ASXL2: variants seen among roughly 807,000 people sequenced by gnomAD.
ASXL2 encodes putative Polycomb group protein ASXL2.
A neutral mutation model predicts 122.0 loss-of-function variants in ASXL2; 23 were observed. The ratio of observed to expected loss-of-function variants is 0.19; its 90% CI spans 0.14 to 0.27. The LOEUF (loss-of-function observed/expected upper bound fraction) is 0.27, where lower values mean the gene tolerates loss of function less well. ASXL2 is among the 10% of genes least tolerant of loss of function. The pLI, the probability that ASXL2 is intolerant of heterozygous loss-of-function variation, is 1.00. For synonymous variants in ASXL2, 650 were observed against 637.0 expected (o/e 1.02, Z -0.31); for missense variants, 1,518 against 1,713.8 (o/e 0.89, Z 2.02).
intron 3 of ASXL2, among the ~76,000 whole-genome samples, chr2:25,824,336 A>G (rs2089349515): frequency 6.6e-6 from 1 of 152,208 alleles, no homozygotes; most frequent in South Asian, 2.1e-4. Flanking sequence ...TCATATAGCA[A>G]CACGGTAGTA....
intron 1 of ASXL2, among the ~76,000 whole-genome samples, chr2:25,868,521 T>C (rs2089928474): frequency 6.6e-6 from 1 of 152,264 alleles, no homozygotes; most frequent in Non-Finnish European, 1.5e-5. Context: ...CATTTACCGT[T>C]AACCAATTTT....
chr2:25,866,103 A>G (rs188724466), intron 1 of ASXL2, among the ~76,000 whole-genome samples: 79 of 151,762 alleles, frequency 5.2e-4, no homozygotes, highest in African/African-American at 1.7e-3. Flanking sequence ...TAAGATTGTC[A>G]TTAAAGCTTA....
At chr2:25,814,089 G>A (rs926367396) in intron 3 of ASXL2, among the ~76,000 whole-genome samples, 8 of 152,028 alleles carry the variant, frequency 5.3e-5, no homozygotes, top group Non-Finnish European at 1.2e-4. Flanking sequence ...ACTACAAACT[G>A]CCATAATATT....
At chr2:25,819,015 T>A (rs534312166) in intron 3 of ASXL2, among the ~76,000 whole-genome samples, 89 of 152,322 alleles carry the variant, frequency 5.8e-4, no homozygotes, top group African/African-American at 2.1e-3. Flanking sequence ...CATGTGGCCA[T>A]GTTGGGGAAG....
Position 25,744,294 on chromosome 2 carries a change from AGCAGCTGCGGCGGCAGCG to A in ASXL2, c.2025_2042del (p.Ala679_Ala684del), listed in dbSNP as rs1418950108. ...TGGTCCCTCCAACTGAGGCGGCTGC[AGCAGCTGCGGCGGCAGCG>A]GCAGCTGCTGCCCTCTGTGCTTTGA... On this transcript the variant is annotated inframe_deletion, in exon 13 of 13. Transcript: ENST00000435504. This position sits in a 1 kb window ranked among gnomAD's most constrained non-coding sequence, Gnocchi z 4.7. 3.1e-6 allele frequency: 5 copies of A among 1,611,226 alleles called. No individual in the cohort carries two copies. The highest frequency in any genetic ancestry group is 1.3e-5 in the African/African-American group (1 of 74,548).
intron 2 of ASXL2, among the ~76,000 whole-genome samples, chr2:25,841,048 A>C (rs1250343014): frequency 6.6e-6 from 1 of 152,218 alleles, no homozygotes; most frequent in Non-Finnish European, 1.5e-5. Context: ...CTGTTATCCC[A>C]GCACTTTGGG....
intron 2 of ASXL2, among the ~76,000 whole-genome samples, chr2:25,839,490 GACT>G (rs1287628804): frequency 2.0e-5 from 3 of 152,072 alleles, no homozygotes; most frequent in African/African-American, 4.8e-5. Flanking sequence ...TATTGACTCT[GACT>G]ACTAAGTGTA....
At chr2:25,803,297 T>C (rs2089027427) in intron 4 of ASXL2, among the ~76,000 whole-genome samples, 1 of 152,244 alleles carries the variant, frequency 6.6e-6, no homozygotes, top group Non-Finnish European at 1.5e-5. Flanking sequence ...GTATCTTTTG[T>C]AATATCCTTT....
At chr2:25,863,248 T>C (rs747957316) in intron 1 of ASXL2, among the ~76,000 whole-genome samples, 64 of 151,168 alleles carry the variant, frequency 4.2e-4, no homozygotes, top group Non-Finnish European at 6.8e-4. Flanking sequence ...GAGAATCGCT[T>C]GAACCCAGGA....
rs368571273 is a variant in ASXL2, at chr2:25,744,468, G to C, written c.1869C>G (p.Val623=). 1 of 1,591,654 alleles carries C rather than the reference G, an allele frequency of 6.3e-7. No homozygotes were observed. Among genetic ancestry groups the C allele is most frequent in the African/African-American group, 1.4e-5 (1 of 73,568 alleles). ...GAAACGGCATGGGGGAGATTCTGGA[G>C]ACCGGGATCTGAAAGAAGTAGAGGG... ...VRKVPPLKIP[V]SRISPMPFHP... The change falls in exon 13 of 13, where the codon GTC becomes GTG. Residue 623 remains valine, a synonymous_variant. Coordinates refer to ENST00000435504, the MANE Select transcript of ASXL2 (RefSeq NM_018263.6). The surrounding 1 kb of genome is among the most constrained non-coding windows in gnomAD (Gnocchi z 4.7).
chr2:25,756,434 T>A (rs1350631778), intron 9 of ASXL2, among the ~76,000 whole-genome samples: 4 of 62,360 alleles, frequency 6.4e-5, no homozygotes, highest in Non-Finnish European at 1.3e-4. Context: ...TAAAGCTGAA[T>A]CCCAGATTCA....
At chr2:25,780,958 C>A (rs2088624322) in intron 5 of ASXL2, among the ~76,000 whole-genome samples, 1 of 151,518 alleles carries the variant, frequency 6.6e-6, no homozygotes, top group Admixed American at 6.6e-5. Context: ...GTGGCGGACG[C>A]CTGTAGTCCC....
At chr2:25,768,932 ACTT>A (rs1255434792) in intron 6 of ASXL2, 64 bp from the exon 7 acceptor site, 9 of 1,529,512 alleles carry the variant, frequency 5.9e-6, no homozygotes, top group Non-Finnish European at 6.2e-6. Context: ...AATATAAATT[ACTT>A]CTTTTTTAAA....
intron 1 of ASXL2, among the ~76,000 whole-genome samples, chr2:25,870,572 T>G (rs1050793802): frequency 6.6e-6 from 1 of 152,062 alleles, no homozygotes; most frequent in Non-Finnish European, 1.5e-5. Flanking sequence ...CTCAGGAAGC[T>G]GAGGCAGGAG....
intron 5 of ASXL2, among the ~76,000 whole-genome samples, chr2:25,784,772 G>T (rs560363580): frequency 6.6e-6 from 1 of 152,256 alleles, no homozygotes; most frequent in East Asian, 1.9e-4. Flanking sequence ...AGTCTTAGTG[G>T]ACTAATGACC....
intron 3 of ASXL2, among the ~76,000 whole-genome samples, chr2:25,815,524 T>C (rs990049811): frequency 6.6e-6 from 1 of 152,140 alleles, no homozygotes; most frequent in South Asian, 2.1e-4. Flanking sequence ...CTACATATAC[T>C]GAAAGGAAAA....
intron 2 of ASXL2, among the ~76,000 whole-genome samples, chr2:25,844,297 T>C (rs1228567564): frequency 6.6e-6 from 1 of 152,162 alleles, no homozygotes; most frequent in East Asian, 1.9e-4. Flanking sequence ...ACACTGACTA[T>C]TGGCCAGGCA....
chr2:25,773,710 T>C (rs1387275171), intron 5 of ASXL2, among the ~76,000 whole-genome samples: 1 of 150,620 alleles, frequency 6.6e-6, no homozygotes, highest in Non-Finnish European at 1.5e-5. Flanking sequence ...ACTTTGATAC[T>C]GACCAATTTT....
intron 8 of ASXL2, 75 bp downstream of exon 8, chr2:25,767,508 G>A: frequency 4.0e-6 from 6 of 1,501,352 alleles, no homozygotes; most frequent in Non-Finnish European, 5.4e-6. Flanking sequence ...ACCTAAGCCA[G>A]GTAGCTGATG....
Sources: allele counts gnomAD v4.1 joint callset (sites outside exome capture counted in the v4.1 genomes callset), GRCh38; gene constraint gnomAD v4.1.1; non-coding constraint Gnocchi (gnomAD v3.1); transcripts MANE v1.5; gene names NCBI Gene and HGNC (gene_info 2026-07-23, HGNC 2026-07-21).